The following DIAPH3 variants were observed in gnomAD, a reference collection of about 807,000 sequenced individuals.
DIAPH3 encodes the protein protein diaphanous homolog 3.
In DIAPH3, 117 loss-of-function variants were observed where a neutral mutation model predicts 144.3. That is an observed-to-expected ratio of 0.81 (90% confidence interval 0.70 to 0.95). The LOEUF (loss-of-function observed/expected upper bound fraction) is 0.95, where lower values mean the gene tolerates loss of function less well. Among genes scored for constraint, DIAPH3 ranks in the 40% least tolerant of loss-of-function variants. The pLI is 0.00. For synonymous variants in DIAPH3, 519 were observed against 488.9 expected, an observed-to-expected ratio of 1.06 and a Z score of -0.81; for missense variants, 1,421 against 1,412.7, an observed-to-expected ratio of 1.01 and a Z score of -0.09.
chr13:59,822,653 A>G (rs1028215894), intron 24 of DIAPH3, among the ~76,000 whole-genome samples: 1 of 152,064 alleles, frequency 6.6e-6, no homozygotes, highest in Admixed American at 6.6e-5. Context: ...CATGTTGTGC[A>G]GGATGGTCTC....
At chr13:59,959,445 G>A (rs940527428) in intron 17 of DIAPH3, among the ~76,000 whole-genome samples, 22 of 152,184 alleles carry the variant, frequency 1.4e-4, no homozygotes, top group African/African-American at 5.3e-4. Flanking sequence ...TGTGATCAAG[G>A]TTAAGGATTC....
At chr13:60,098,571 T>C (rs1215475782) in intron 3 of DIAPH3, among the ~76,000 whole-genome samples, 1 of 151,800 alleles carries the variant, frequency 6.6e-6, no homozygotes, top group African/African-American at 2.4e-5. Context: ...TTCTTTCAAA[T>C]TGAAAGAATA....
intron 25 of DIAPH3, among the ~76,000 whole-genome samples, chr13:59,796,703 G>C (rs950601019): frequency 6.6e-6 from 1 of 151,868 alleles, no homozygotes; most frequent in Non-Finnish European, 1.5e-5. Flanking sequence ...ATTCTAAACA[G>C]GTAATTTTAA....
intron 27 of DIAPH3, among the ~76,000 whole-genome samples, chr13:59,701,456 T>C (rs141346169): frequency 6.6e-6 from 1 of 152,318 alleles, no homozygotes. Flanking sequence ...TCCTTCCAAA[T>C]TGTAACCTAG....
intron 27 of DIAPH3, among the ~76,000 whole-genome samples, chr13:59,749,643 C>T (rs2036897785): frequency 1.3e-5 from 2 of 150,394 alleles, no homozygotes; most frequent in African/African-American, 4.9e-5. Flanking sequence ...ATTTTATATG[C>T]AAGATACCTT....
At chr13:60,119,526 T>C (rs934793101) in intron 2 of DIAPH3, among the ~76,000 whole-genome samples, 1 of 151,778 alleles carries the variant, frequency 6.6e-6, no homozygotes, top group African/African-American at 2.4e-5. Context: ...GGCGGGTGGA[T>C]CACGAGGTCA....
At chr13:59,699,411 A>G (rs1295373589) in intron 27 of DIAPH3, among the ~76,000 whole-genome samples, 2 of 152,212 alleles carry the variant, frequency 1.3e-5, no homozygotes, top group Non-Finnish European at 2.9e-5. Flanking sequence ...AGTAGCAGAA[A>G]TGAGGTCAGA....
At chr13:59,761,071 A>G (rs143708140) in intron 27 of DIAPH3, among the ~76,000 whole-genome samples, 7 of 152,324 alleles carry the variant, frequency 4.6e-5, no homozygotes, top group African/African-American at 1.7e-4. Context: ...TTGGGAATCA[A>G]TGAGACATTA....
rs554657389 is a variant in DIAPH3, at chr13:59,911,823, T to A, written c.2279A>T (p.His760Leu). 7.6e-5 allele frequency: 123 copies of A among 1,611,596 alleles called. 1 individual carries two copies. In the South Asian group the frequency reaches 1.3e-3, roughly 17 times the overall value. Reference protein sequence around the residue: ...AESMIQNLIKHLPDQEQLNSL... With the variant: ...AESMIQNLIKLLPDQEQLNSL... ...ATTTAATTGCTCTTGATCAGGAAGA[T>A]GCTTTATTAAGTTCTAAAAATTAAA... Residue 760 changes from histidine (H) to leucine (L), a missense_variant, in exon 20 of 28, where the codon CAT (histidine) becomes CTT (leucine). His to Leu is a moderately conservative substitution (Grantham distance 99, BLOSUM62 -3). Coordinates refer to ENST00000400324, the MANE Select transcript of DIAPH3 (RefSeq NM_001042517.2).
chr13:59,709,449 C>T (rs997820704), intron 27 of DIAPH3, among the ~76,000 whole-genome samples: 2 of 152,130 alleles, frequency 1.3e-5, no homozygotes, highest in East Asian at 3.9e-4. Context: ...TGAACAGACA[C>T]TTCTCAAAAG....
At chr13:59,807,744 T>C (rs1331615615) in intron 25 of DIAPH3, among the ~76,000 whole-genome samples, 1 of 152,026 alleles carries the variant, frequency 6.6e-6, no homozygotes, top group African/African-American at 2.4e-5. Flanking sequence ...ACAGAAAAAG[T>C]CTAATAAAAT....
intron 2 of DIAPH3, among the ~76,000 whole-genome samples, chr13:60,123,746 TGGTAC>T (rs1346068263): frequency 6.6e-6 from 1 of 152,192 alleles, no homozygotes; most frequent in Non-Finnish European, 1.5e-5. Context: ...GTTGGGCAGA[TGGTAC>T]ATCACACTTT....
At chr13:60,077,611 G>A (rs1402903956) in intron 4 of DIAPH3, among the ~76,000 whole-genome samples, 1 of 152,040 alleles carries the variant, frequency 6.6e-6, no homozygotes, top group Non-Finnish European at 1.5e-5. Flanking sequence ...TACAGGAGGA[G>A]GCAGTCTGCA....
At chr13:59,757,110 A>G (rs1011166759) in intron 27 of DIAPH3, among the ~76,000 whole-genome samples, 5 of 152,164 alleles carry the variant, frequency 3.3e-5, no homozygotes, top group Non-Finnish European at 7.3e-5. Flanking sequence ...AAAAATGCAA[A>G]ACAATAAGAC....
intron 4 of DIAPH3, among the ~76,000 whole-genome samples, chr13:60,045,797 T>C (rs1246818660): frequency 6.6e-6 from 1 of 152,220 alleles, no homozygotes; most frequent in Non-Finnish European, 1.5e-5. Flanking sequence ...ATTTTTTTCT[T>C]CAACAATAAG....
chr13:60,163,834 G>T lies in DIAPH3; in HGVS notation c.-68C>A. ...AGCAAGCCGCAAGCTGGAAGCTGAG[G>T]GATCGACAACAGGTTTTACTCCCGG... On this transcript the variant is annotated 5_prime_UTR_variant, in exon 1 of 28. Coordinates refer to ENST00000400324, the MANE Select transcript of DIAPH3 (RefSeq NM_001042517.2). The T allele has an allele frequency of 2.6e-6, 4 of 1,526,538 alleles. No individual in the cohort carries two copies. Among genetic ancestry groups the T allele is most frequent in the Non-Finnish European group, 3.5e-6 (4 of 1,139,782 alleles). The allele number at this position is 1,526,538 out of a possible 1,614,324, so 94.6% of individuals were successfully genotyped here.
chr13:59,970,125 T>G lies in DIAPH3; in HGVS notation c.1960-67A>C, dbSNP rs1594168157. 1.6e-5 allele frequency: 13 copies of G among 801,990 alleles called. No homozygotes were observed. In the East Asian group the frequency reaches 3.4e-4, roughly 21 times the overall value. 49.7% of individuals were successfully genotyped at this position (801,990 alleles called of 1,614,324 possible). A position where few individuals can be genotyped will look rare whatever the true frequency, so the allele number is the denominator to read the frequency against. On this transcript the variant is annotated intron_variant, in intron 16 of 27. Coordinates refer to ENST00000400324, the MANE Select transcript of DIAPH3 (RefSeq NM_001042517.2). ...TTCACCTGTCCCAAGTCAAGCACTA[T>G]GCATACACTGAGTATCATAGCTGTC...
Position 60,015,904 on chromosome 13 carries a change from T to C in DIAPH3, c.771+9A>G. 1 of 1,606,090 alleles carries C rather than the reference T, an allele frequency of 6.2e-7. No homozygotes were observed. Among genetic ancestry groups the C allele is most frequent in the Non-Finnish European group, 8.5e-7 (1 of 1,173,894 alleles). On this transcript the variant is annotated intron_variant, in intron 7 of 27. Coordinates refer to ENST00000400324, the MANE Select transcript of DIAPH3 (RefSeq NM_001042517.2). ...GTGACGGACAAATACTAATTACGTATGTACATACCTGCGTATTCATCAGGG... is the reference window on the plus strand; with the variant it reads ...GTGACGGACAAATACTAATTACGTACGTACATACCTGCGTATTCATCAGGG...
At position 59,774,770 on chromosome 13, in the gene DIAPH3, C is replaced by A. The variant is rs1461292889; in HGVS notation, c.3217G>T (p.Ala1073Ser). The change falls in exon 26 of 28, where the codon GCT becomes TCT. Residue 1073 changes from alanine (A) to serine (S), a missense_variant. Physicochemically the swap from Ala to Ser is moderately conservative, Grantham distance 99. Coordinates refer to ENST00000400324, the MANE Select transcript of DIAPH3 (RefSeq NM_001042517.2). ...DNLLEALQSG[A>S]AFRDRRKRTP... ...CTTTTTCTTCTGTCGCGGAAGGCAG[C>A]CCCGGACTGCAAGGCCTCCAGCAGA... The A allele has an allele frequency of 6.2e-7, 1 of 1,614,170 alleles. No individual in the cohort carries two copies. The highest frequency in any genetic ancestry group is 8.5e-7 in the Non-Finnish European group (1 of 1,180,032).
Sources: allele counts gnomAD v4.1 joint callset (sites outside exome capture counted in the v4.1 genomes callset), GRCh38; gene constraint gnomAD v4.1.1; transcripts MANE v1.5; gene names NCBI Gene and HGNC (gene_info 2026-07-23, HGNC 2026-07-21).